Variants in KIFAP3 observed in about 807,000 individuals in gnomAD.
KIFAP3 encodes the protein kinesin associated protein 3, also known as kinesin-associated protein 3.
Under a neutral mutation model 106.5 loss-of-function variants are expected in KIFAP3, and 68 were observed. The ratio of observed to expected loss-of-function variants is 0.64; its 90% CI spans 0.53 to 0.78. The LOEUF is 0.78. KIFAP3 is among the 30% of genes least tolerant of loss of function. KIFAP3 has a pLI of 0.00. For synonymous variants in KIFAP3, 320 were observed against 311.5 expected, an observed-to-expected ratio of 1.03 and a Z score of -0.29; for missense variants, 780 against 941.8, an observed-to-expected ratio of 0.83 and a Z score of 2.25.
chr1:169,972,298 T>A (rs1422117381), intron 17 of KIFAP3, among the ~76,000 whole-genome samples: 1 of 151,964 alleles, frequency 6.6e-6, no homozygotes, highest in Non-Finnish European at 1.5e-5. Context: ...TCTGAATACC[T>A]GTAAAACATC....
At position 170,073,546 on chromosome 1, in the gene KIFAP3, G is replaced by A. The variant is rs927013247; in HGVS notation, c.32+890C>T. Among the ~76,000 whole-genome samples the A allele has an allele frequency of 2.0e-5, 3 of 151,986 alleles. No homozygotes were observed. The South Asian group carries it at 6.2e-4, about 32-fold the overall frequency. The stretch of plus-strand genomic sequence containing the variant: ...ATTTTTTAAAAGTATTTCATCTTTC[G>A]TCCTTGTATCTCTCAGAAGGTAACG... On this transcript the variant is annotated intron_variant, in intron 1 of 19. Coordinates refer to ENST00000361580, the MANE Select transcript of KIFAP3 (RefSeq NM_014970.4).
chr1:170,007,804 T>C (rs1668046604), intron 10 of KIFAP3, among the ~76,000 whole-genome samples: 1 of 152,112 alleles, frequency 6.6e-6, no homozygotes, highest in African/African-American at 2.4e-5. Context: ...AGAGCCCATA[T>C]AGCCAAGACA....
intron 19 of KIFAP3, among the ~76,000 whole-genome samples, chr1:169,935,654 G>A (rs1162046063): frequency 6.6e-6 from 1 of 151,890 alleles, no homozygotes; most frequent in Non-Finnish European, 1.5e-5. Flanking sequence ...TATTCAAAGG[G>A]TGCAAGACAG....
chr1:170,016,897 A>G (rs1668550081), intron 9 of KIFAP3, among the ~76,000 whole-genome samples: 1 of 152,176 alleles, frequency 6.6e-6, no homozygotes, highest in Non-Finnish European at 1.5e-5. Context: ...ATTATTGAAC[A>G]CCACCTACTA....
chr1:169,951,593 G>A (rs772098013), intron 19 of KIFAP3, among the ~76,000 whole-genome samples: 4 of 151,740 alleles, frequency 2.6e-5, no homozygotes, highest in Non-Finnish European at 5.9e-5. Context: ...CATAACTTGT[G>A]GAATACATTT....
upstream of KIFAP3, chr1:170,074,793 C>T: frequency 8.4e-7 from 1 of 1,190,744 alleles, no homozygotes; most frequent in Non-Finnish European, 1.1e-6. Context: ...ACCGGGGAGC[C>T]GAGCAGGGAA....
At chr1:170,042,906 T>G (rs1486288102) in intron 3 of KIFAP3, among the ~76,000 whole-genome samples, 1 of 152,190 alleles carries the variant, frequency 6.6e-6, no homozygotes, top group Non-Finnish European at 1.5e-5. Context: ...AACCCAGCAA[T>G]CCCTTTTACT....
chr1:169,963,460 G>A (rs1336546442), intron 17 of KIFAP3, among the ~76,000 whole-genome samples: 1 of 152,088 alleles, frequency 6.6e-6, no homozygotes, highest in Non-Finnish European at 1.5e-5. Context: ...ATTCCTTTGG[G>A]TATATACCCA....
chr1:170,025,559 A>G (rs1326006387), intron 8 of KIFAP3, among the ~76,000 whole-genome samples: 3 of 152,210 alleles, frequency 2.0e-5, no homozygotes. Context: ...ACACTTATTA[A>G]GTACCTATTG....
chr1:170,062,770 A>G (rs1166832244), intron 1 of KIFAP3, among the ~76,000 whole-genome samples: 2 of 152,196 alleles, frequency 1.3e-5, no homozygotes, highest in Non-Finnish European at 2.9e-5. Flanking sequence ...ATGAAACAAA[A>G]AATTCATGAA....
chr1:170,009,907 T>C (rs1238300743), intron 10 of KIFAP3, among the ~76,000 whole-genome samples: 3 of 152,064 alleles, frequency 2.0e-5, no homozygotes, highest in Admixed American at 6.6e-5. Flanking sequence ...CGTAACACTA[T>C]AAAAATCCCC....
At chr1:169,994,448 A>T (rs1318370265) in intron 10 of KIFAP3, among the ~76,000 whole-genome samples, 2 of 152,208 alleles carry the variant, frequency 1.3e-5, no homozygotes, top group African/African-American at 4.8e-5. Flanking sequence ...AACATGTTTT[A>T]AAAATATACT....
chr1:170,079,034 A>G (rs1212344749), upstream of KIFAP3, among the ~76,000 whole-genome samples: 1 of 152,196 alleles, frequency 6.6e-6, no homozygotes, highest in Admixed American at 6.5e-5. Context: ...TATAGTTTGC[A>G]TACTTGACCC....
intron 8 of KIFAP3, among the ~76,000 whole-genome samples, chr1:170,030,431 G>T (rs1669340661): frequency 6.6e-6 from 1 of 151,760 alleles, no homozygotes; most frequent in Non-Finnish European, 1.5e-5. Flanking sequence ...TTCTTACAAA[G>T]TTAAACATAC....
intron 7 of KIFAP3, among the ~76,000 whole-genome samples, chr1:170,032,780 T>C (rs369281090): frequency 5.9e-5 from 9 of 151,860 alleles, no homozygotes; most frequent in African/African-American, 2.2e-4. Context: ...GAGTCTAAGA[T>C]ACATTTTCCT....
chr1:169,980,471 A>G (rs1558215732), intron 15 of KIFAP3, among the ~76,000 whole-genome samples: 1 of 152,186 alleles, frequency 6.6e-6, no homozygotes, highest in Non-Finnish European at 1.5e-5. Flanking sequence ...CCTGCCCCTT[A>G]AGAGTAATAT....
At chr1:170,021,941 CTTTTTTTTTTT>C (rs71125221) in intron 9 of KIFAP3, among the ~76,000 whole-genome samples, 10 of 77,888 alleles carry the variant, frequency 1.3e-4, no homozygotes, top group Non-Finnish European at 2.0e-4. Flanking sequence ...TCTTTTCTTT[CTTTTTTTTTTT>C]TTTTTTTTTT....
At chr1:170,079,986 G>A (rs1315427123) in intron 1 of KIFAP3, among the ~76,000 whole-genome samples, 1 of 151,688 alleles carries the variant, frequency 6.6e-6, no homozygotes, top group African/African-American at 2.4e-5. Context: ...ATTATCAGTG[G>A]TGTTTGAAAA....
At chr1:169,972,381 T>C (rs1305360153) in intron 17 of KIFAP3, 132 bp downstream of exon 17, 2 of 573,264 alleles carry the variant, frequency 3.5e-6, no homozygotes, top group African/African-American at 2.0e-5. Context: ...TTTAGTATCA[T>C]TGTATATCCT....
Sources: allele counts gnomAD v4.1 joint callset (sites outside exome capture counted in the v4.1 genomes callset), GRCh38; gene constraint gnomAD v4.1.1; transcripts MANE v1.5; gene names NCBI Gene and HGNC (gene_info 2026-07-23, HGNC 2026-07-21).